IQCJ: variants seen among roughly 807,000 people sequenced by gnomAD.
The protein encoded by IQCJ is IQ domain-containing protein J.
A neutral mutation model predicts 11.0 loss-of-function variants in IQCJ; 9 were observed. The observed-to-expected ratio is 0.82, with a 90% CI of 0.49 to 1.43. The LOEUF (loss-of-function observed/expected upper bound fraction) is 1.43. IQCJ is among the 40% of genes most tolerant of loss of function. The pLI, the probability that IQCJ is intolerant of heterozygous loss-of-function variation, is 0.00. For synonymous variants in IQCJ, 55 were observed against 51.3 expected, an observed-to-expected ratio of 1.07 and a Z score of -0.31; for missense variants, 146 against 133.2, an observed-to-expected ratio of 1.10 and a Z score of -0.47.
At position 159,199,359 on chromosome 3, in the gene IQCJ, C is replaced by T. The variant is rs116316066; in HGVS notation, c.10-46484C>T. 5.6e-3 allele frequency among the ~76,000 whole-genome samples: 845 copies of T among 152,170 alleles called. 11 individuals carry two copies. Among genetic ancestry groups the T allele is most frequent in the African/African-American group, 0.02 (820 of 41,534 alleles). ...ATTGTCTTTAAAGTTGGAGGAAGGGCCCACAAGCCAAGGAATGTAGGCAGC... is the reference window on the plus strand; with the variant it reads ...ATTGTCTTTAAAGTTGGAGGAAGGGTCCACAAGCCAAGGAATGTAGGCAGC... On this transcript the variant is annotated intron_variant, in intron 1 of 3. Transcript: ENST00000397832.
chr3:159,245,390 T>G (rs1286939417), intron 1 of IQCJ, among the ~76,000 whole-genome samples: 3 of 151,514 alleles, frequency 2.0e-5, no homozygotes, highest in Non-Finnish European at 4.4e-5. Flanking sequence ...TATTATATTC[T>G]AACTTGATCA....
intron 1 of IQCJ, among the ~76,000 whole-genome samples, chr3:159,213,902 C>T (rs1725082898): frequency 2.6e-5 from 4 of 152,138 alleles, no homozygotes; most frequent in Admixed American, 2.6e-4. Flanking sequence ...TTTTCTCCTC[C>T]TACTTAACTG....
intron 1 of IQCJ, among the ~76,000 whole-genome samples, chr3:159,228,591 C>T (rs960135408): frequency 1.3e-5 from 2 of 151,996 alleles, no homozygotes; most frequent in African/African-American, 4.8e-5. Flanking sequence ...GAGATCGAGA[C>T]CATCCCGGCT....
At chr3:159,104,034 G>C (rs1381021877) in intron 1 of IQCJ, among the ~76,000 whole-genome samples, 2 of 152,226 alleles carry the variant, frequency 1.3e-5, no homozygotes, top group African/African-American at 4.8e-5. Flanking sequence ...ATAGGCCTCA[G>C]CAGGGCTGGT....
At chr3:159,080,410 G>T (rs1222476005) in intron 1 of IQCJ, among the ~76,000 whole-genome samples, 1 of 152,036 alleles carries the variant, frequency 6.6e-6, no homozygotes, top group Non-Finnish European at 1.5e-5. Flanking sequence ...AACCCTGCCT[G>T]ATCCCTTCTC....
At chr3:159,192,101 G>C (rs1403572128) in intron 1 of IQCJ, among the ~76,000 whole-genome samples, 1 of 152,150 alleles carries the variant, frequency 6.6e-6, no homozygotes, top group African/African-American at 2.4e-5. Context: ...GTTCATGCAT[G>C]ACTATGCCAA....
At chr3:159,246,597 T>C (rs938559087) in intron 2 of IQCJ, among the ~76,000 whole-genome samples, 1 of 152,168 alleles carries the variant, frequency 6.6e-6, no homozygotes, top group Non-Finnish European at 1.5e-5. Context: ...TACTCAGGAC[T>C]AGTCAAGCTG....
At chr3:159,104,891 CA>C (rs1718155114) in intron 1 of IQCJ, among the ~76,000 whole-genome samples, 1 of 152,222 alleles carries the variant, frequency 6.6e-6, no homozygotes, top group Non-Finnish European at 1.5e-5. Flanking sequence ...AAACCAAGGT[CA>C]CACATTGTTA....
intron 1 of IQCJ, among the ~76,000 whole-genome samples, chr3:159,166,344 C>A (rs1436000198): frequency 6.6e-6 from 1 of 152,198 alleles, no homozygotes; most frequent in Non-Finnish European, 1.5e-5. Context: ...TCAAGCTAAC[C>A]GTGGAGCATA....
chr3:159,075,318 A>G (rs7613304), intron 1 of IQCJ, among the ~76,000 whole-genome samples: 112,132 of 152,022 alleles, frequency 0.74, 41,468 homozygotes, highest in East Asian at 0.84. Context: ...GGAATATTAC[A>G]TTAGTATCCA....
At chr3:159,176,032 A>G (rs1476197747) in intron 1 of IQCJ, among the ~76,000 whole-genome samples, 1 of 152,194 alleles carries the variant, frequency 6.6e-6, no homozygotes, top group East Asian at 1.9e-4. Flanking sequence ...TCCCTAACGA[A>G]TGATGCTGTT....
intron 1 of IQCJ, among the ~76,000 whole-genome samples, chr3:159,077,959 G>T (rs1716047211): frequency 6.6e-6 from 1 of 151,930 alleles, no homozygotes; most frequent in Admixed American, 6.6e-5. Flanking sequence ...ATCATCTTTA[G>T]TTAAAACAGG....
intron 2 of IQCJ, among the ~76,000 whole-genome samples, chr3:159,248,344 A>G (rs994160190): frequency 7.2e-5 from 11 of 152,310 alleles, no homozygotes; most frequent in Admixed American, 3.3e-4. Flanking sequence ...CAGCCCTTTG[A>G]CCAAATGAAG....
intron 1 of IQCJ, among the ~76,000 whole-genome samples, chr3:159,180,057 C>T (rs764822986): frequency 3.3e-5 from 5 of 152,146 alleles, no homozygotes; most frequent in Non-Finnish European, 5.9e-5. Flanking sequence ...GTAGAAGGCG[C>T]TAGGGCAGAA....
chr3:159,236,146 T>A (rs1383020815), intron 1 of IQCJ, among the ~76,000 whole-genome samples: 1 of 152,122 alleles, frequency 6.6e-6, no homozygotes, highest in Non-Finnish European at 1.5e-5. Context: ...TATTTGCCAT[T>A]TTTTTCCTCC....
At chr3:159,185,775 A>G (rs149403405) in intron 1 of IQCJ, among the ~76,000 whole-genome samples, 2 of 152,262 alleles carry the variant, frequency 1.3e-5, no homozygotes, top group East Asian at 3.9e-4. Flanking sequence ...AGGCCTCTCC[A>G]TGAAGCTGCT....
intron 2 of IQCJ, among the ~76,000 whole-genome samples, chr3:159,246,663 C>T (rs935564035): frequency 6.6e-6 from 1 of 152,078 alleles, no homozygotes; most frequent in Non-Finnish European, 1.5e-5. Flanking sequence ...TTGACATTGC[C>T]AAGAGTATTA....
At chr3:159,241,903 G>C (rs1577107569) in intron 1 of IQCJ, among the ~76,000 whole-genome samples, 1 of 152,286 alleles carries the variant, frequency 6.6e-6, no homozygotes, top group East Asian at 1.9e-4. Flanking sequence ...CATAAAGCAT[G>C]GTAAATATAC....
intron 1 of IQCJ, among the ~76,000 whole-genome samples, chr3:159,093,000 T>C (rs1425616619): frequency 1.3e-5 from 2 of 151,812 alleles, no homozygotes; most frequent in African/African-American, 2.4e-5. Flanking sequence ...ACTTTCCTTA[T>C]TTCTCAAGGT....
Sources: allele counts gnomAD v4.1 joint callset (sites outside exome capture counted in the v4.1 genomes callset), GRCh38; gene constraint gnomAD v4.1.1; transcripts MANE v1.5; gene names NCBI Gene and HGNC (gene_info 2026-07-23, HGNC 2026-07-21).